Variants in B3GALNT2 observed in about 807,000 individuals in gnomAD.
B3GALNT2 encodes beta-1,3-N-acetylgalactosaminyltransferase 2, also known as UDP-GalNAc:beta-1,3-N-acetylgalactosaminyltransferase 2.
In B3GALNT2, 53 loss-of-function variants were observed where a neutral mutation model predicts 61.1. That is an observed-to-expected ratio of 0.87 (90% CI 0.70 to 1.09). The LOEUF is 1.09. B3GALNT2 is among the 50% of genes least tolerant of loss of function. The probability of loss-of-function intolerance (pLI) is 0.00; values close to 1 mark genes in which losing one functional copy is unlikely to be tolerated. For missense variants in B3GALNT2, 544 were observed against 623.0 expected, an observed-to-expected ratio of 0.87 and a Z score of 1.35; for synonymous variants, 223 against 237.4, an observed-to-expected ratio of 0.94 and a Z score of 0.56.
chr1:235,480,254 G>GC, intron 4 of B3GALNT2, 105 bp from the exon 5 acceptor site: 1 of 1,484,564 alleles, frequency 6.7e-7, no homozygotes, highest in Non-Finnish European at 9.0e-7. Context: ...ATCCACAATG[G>GC]CCCTAACCAC....
chr1:235,501,425 C>G (rs887111943), intron 1 of B3GALNT2, among the ~76,000 whole-genome samples: 1 of 152,208 alleles, frequency 6.6e-6, no homozygotes, highest in Non-Finnish European at 1.5e-5. Flanking sequence ...CTTCCCTGAC[C>G]TATTTAAAAC....
Position 235,470,832 on chromosome 1 carries a change from TA to T in B3GALNT2, c.762+17del, listed in dbSNP as rs555883725. The T allele has an allele frequency of 8.6e-5, 133 of 1,551,176 alleles. No homozygotes were observed. The African/African-American group carries it at 1.0e-3, about 12-fold the overall frequency. ...GAAGCTAAAATATGCAATTAAACCT[TA>T]AAAAAAAACGACTTACTGTAATGAC... On this transcript the variant is annotated intron_variant, in intron 6 of 11. Transcript: ENST00000366600.
chr1:235,444,767 G>A (rs1682133152), downstream of B3GALNT2, among the ~76,000 whole-genome samples: 1 of 152,242 alleles, frequency 6.6e-6, no homozygotes, highest in Admixed American at 6.5e-5. Context: ...TTTTGCCTTT[G>A]CAGATACATC....
chr1:235,458,031 CT>C (rs1360205280), intron 8 of B3GALNT2, among the ~76,000 whole-genome samples: 85 of 152,024 alleles, frequency 5.6e-4, no homozygotes, highest in African/African-American at 1.9e-3. Flanking sequence ...CTCAGCCCCC[CT>C]GAGTGGCTGG....
chr1:235,489,050 TA>T, intron 3 of B3GALNT2, 117 bp downstream of exon 3: 1 of 1,327,744 alleles, frequency 7.5e-7, no homozygotes, highest in East Asian at 2.6e-5. Context: ...ACCCTGTCTC[TA>T]AAACACATAA....
the B3GALNT2 span, chr1:235,441,610 C>T: frequency 1.7e-6 from 1 of 587,366 alleles, no homozygotes; most frequent in South Asian, 2.0e-5. Flanking sequence ...GAGTCTGCAG[C>T]TCTGGGTAGA....
chr1:235,448,321 C>T lies in B3GALNT2; in HGVS notation c.*1885G>A, dbSNP rs371894476. The T allele has an allele frequency of 2.3e-5, 37 of 1,599,610 alleles. No individual in the cohort carries two copies. The African/African-American group carries it at 2.4e-4, about 10-fold the overall frequency. On this transcript the variant is annotated 3_prime_UTR_variant, in exon 12 of 12. Coordinates refer to ENST00000366600, the MANE Select transcript of B3GALNT2 (RefSeq NM_152490.5). The stretch of plus-strand genomic sequence containing the variant: ...TACAGGTAACTGTCATTTGAGAGAA[C>T]GAATGGACTTTTCTTGTCTTTTGAT...
the B3GALNT2 span, among the ~76,000 whole-genome samples, chr1:235,440,135 T>C: frequency 6.6e-6 from 1 of 152,138 alleles, no homozygotes; most frequent in African/African-American, 2.4e-5. Flanking sequence ...CACACCCGGC[T>C]AATTTTTTGT....
intron 5 of B3GALNT2, 119 bp downstream of exon 5, chr1:235,479,935 C>CTA: frequency 6.9e-7 from 1 of 1,455,652 alleles, no homozygotes; most frequent in African/African-American, 1.4e-5. Context: ...GTACCTTCAT[C>CTA]TATCACTCTG....
intron 7 of B3GALNT2, among the ~76,000 whole-genome samples, chr1:235,460,368 T>C (rs987192973): frequency 1.3e-5 from 2 of 149,434 alleles, no homozygotes; most frequent in African/African-American, 4.9e-5. Flanking sequence ...GGTCTCGAAC[T>C]CCTAACCTCA....
chr1:235,466,755 C>T (rs555710254), intron 6 of B3GALNT2, among the ~76,000 whole-genome samples: 18 of 152,300 alleles, frequency 1.2e-4, no homozygotes, highest in Admixed American at 7.8e-4. Flanking sequence ...AAAGAGTTAT[C>T]TCTCTTCAAA....
At chr1:235,491,084 T>TAA (rs34246434) in intron 2 of B3GALNT2, among the ~76,000 whole-genome samples, 141 of 138,932 alleles carry the variant, frequency 1.0e-3, no homozygotes, top group Non-Finnish European at 1.4e-3. Context: ...AGTGAATAGT[T>TAA]AAAAAAAAAA....
rs1159869880 is a variant in B3GALNT2 at position 235,474,974 on chromosome 1, TATATATATATATA to T, written c.652-4027_652-4015del. Among the ~76,000 whole-genome samples the T allele has an allele frequency of 9.2e-3, 321 of 34,718 alleles. 15 individuals are homozygous for T. The highest frequency in any genetic ancestry group is 0.022 in the African/African-American group (148 of 6,638). The allele number at this position is 34,718 out of a possible 152,430, so 22.8% of individuals were successfully genotyped here. A position where few individuals can be genotyped will look rare whatever the true frequency, so the allele number is the denominator to read the frequency against. ...ACATATATATATATATATATATATA[TATATATATATATA>T]TTTTTTTTTTTTTTTTTTTTTTTGA... On this transcript the variant is annotated intron_variant, in intron 5 of 11. Coordinates refer to ENST00000366600, the MANE Select transcript of B3GALNT2 (RefSeq NM_152490.5).
intron 5 of B3GALNT2, among the ~76,000 whole-genome samples, chr1:235,473,291 C>T (rs1031650916): frequency 8.5e-5 from 13 of 152,074 alleles, no homozygotes; most frequent in African/African-American, 2.9e-4. Flanking sequence ...TCCAAGAGTC[C>T]GGATTCCTCA....
At position 235,449,265 on chromosome 1, in the gene B3GALNT2, CTTAAA is replaced by C. The variant is rs944846294; in HGVS notation, c.*936_*940del. 7.7e-5 allele frequency: 13 copies of C among 168,366 alleles called. No homozygotes were observed. The highest frequency in any genetic ancestry group is 2.9e-4 in the South Asian group (2 of 6,844). 10.4% of individuals were successfully genotyped at this position (168,366 alleles called of 1,614,324 possible). ...CTCAGTTGCACTATTTCTAAGAGTA[CTTAAA>C]TTAATCACATGCTTTTCCCTACAAT... On this transcript the variant is annotated 3_prime_UTR_variant, in exon 12 of 12. Transcript: ENST00000366600.
At chr1:235,470,165 C>G (rs544734457) in intron 6 of B3GALNT2, among the ~76,000 whole-genome samples, 56 of 152,222 alleles carry the variant, frequency 3.7e-4, no homozygotes, top group Middle Eastern at 3.4e-3. Context: ...TCCTAAAGTT[C>G]TGGGATTATT....
chr1:235,454,852 G>T (rs904753689), intron 9 of B3GALNT2, among the ~76,000 whole-genome samples: 9 of 152,160 alleles, frequency 5.9e-5, no homozygotes, highest in African/African-American at 1.7e-4. Flanking sequence ...GTTTCTGAAT[G>T]AAAAGCACTA....
At chr1:235,482,491 C>A (rs1684606304) in intron 4 of B3GALNT2, among the ~76,000 whole-genome samples, 1 of 151,924 alleles carries the variant, frequency 6.6e-6, no homozygotes, top group Non-Finnish European at 1.5e-5. Context: ...ACATACAAGG[C>A]AGAACCCAAG....
intron 8 of B3GALNT2, among the ~76,000 whole-genome samples, chr1:235,456,698 G>A (rs1438874699): frequency 1.3e-5 from 2 of 152,186 alleles, no homozygotes; most frequent in Non-Finnish European, 2.9e-5. Flanking sequence ...TCCAGGGAGA[G>A]AAGGTGGCAG....
Sources: gnomAD v4.1 joint callset for allele counts (sites outside exome capture counted in the v4.1 genomes callset) on GRCh38, gnomAD v4.1.1 for gene constraint, MANE v1.5 for transcripts, NCBI Gene and HGNC (gene_info 2026-07-23, HGNC 2026-07-21) for gene names.